The following PDE3B variants were observed in gnomAD, a reference collection of about 807,000 sequenced individuals.
PDE3B encodes the protein phosphodiesterase 3B.
In PDE3B, 66 loss-of-function variants were observed where a neutral mutation model predicts 116.8. The observed-to-expected ratio is 0.56, with a 90% confidence interval of 0.46 to 0.69. The LOEUF is 0.69. Among genes scored for constraint, PDE3B ranks in the 30% least tolerant of loss-of-function variants. PDE3B has a pLI of 0.00. For missense variants in PDE3B, 1,384 were observed against 1,368.1 expected (o/e 1.01, Z -0.18); for synonymous variants, 595 against 533.6 (o/e 1.12, Z -1.59).
At chr11:14,701,558 TC>T (rs2133817883) in intron 1 of PDE3B, among the ~76,000 whole-genome samples, 1 of 151,810 alleles carries the variant, frequency 6.6e-6, no homozygotes. Flanking sequence ...CCTAATTTTT[TC>T]CCCATTTCTT....
chr11:14,815,549 C>T (rs117016605), intron 5 of PDE3B, among the ~76,000 whole-genome samples: 3,740 of 152,218 alleles, frequency 0.025, 61 homozygotes, highest in Middle Eastern at 0.034. Context: ...ACATGGTCTT[C>T]CTCAGTATGG....
At chr11:14,890,396 GC>G in the PDE3B span, 29 of 875,880 alleles carry the variant, frequency 3.3e-5, no homozygotes, top group Admixed American at 4.3e-4. Context: ...TGGGAGAATT[GC>G]AGGTTGGAAA....
intron 1 of PDE3B, among the ~76,000 whole-genome samples, chr11:14,741,959 G>A (rs1259056487): frequency 2.0e-5 from 3 of 152,062 alleles, no homozygotes; most frequent in African/African-American, 4.8e-5. Context: ...CGAGAGATCC[G>A]CTGTTAGTCT....
intron 1 of PDE3B, among the ~76,000 whole-genome samples, chr11:14,687,583 G>A (rs901317670): frequency 6.6e-6 from 1 of 152,134 alleles, no homozygotes; most frequent in African/African-American, 2.4e-5. Flanking sequence ...TTTTAAGCCT[G>A]TTTTATGCAT....
intron 5 of PDE3B, among the ~76,000 whole-genome samples, chr11:14,816,413 T>G (rs1484991156): frequency 7.3e-6 from 1 of 136,320 alleles, no homozygotes; most frequent in Non-Finnish European, 1.7e-5. Context: ...AATGAGACTT[T>G]ACTTGGGTCT....
At chr11:14,715,325 C>T (rs915190781) in intron 1 of PDE3B, among the ~76,000 whole-genome samples, 1 of 152,118 alleles carries the variant, frequency 6.6e-6, no homozygotes, top group African/African-American at 2.4e-5. Flanking sequence ...ATGGGGATGG[C>T]ATTGGATCTA....
At chr11:14,652,171 A>G (rs1853589930) in intron 1 of PDE3B, among the ~76,000 whole-genome samples, 1 of 152,106 alleles carries the variant, frequency 6.6e-6, no homozygotes, top group Admixed American at 6.6e-5. Context: ...GTGTAAGGTA[A>G]TGGTCCAACT....
chr11:14,891,494 AC>A, the PDE3B span: 1 of 993,678 alleles, frequency 1.0e-6, no homozygotes, highest in East Asian at 1.1e-4. Flanking sequence ...GCAAACGCCT[AC>A]ACCAGTCGTT....
At chr11:14,716,239 C>A (rs1855885649) in intron 1 of PDE3B, among the ~76,000 whole-genome samples, 1 of 152,216 alleles carries the variant, frequency 6.6e-6, no homozygotes, top group Admixed American at 6.5e-5. Context: ...CACCACGAGA[C>A]TATATCCCAC....
At chr11:14,817,189 A>G (rs1314102481) in intron 5 of PDE3B, among the ~76,000 whole-genome samples, 5 of 152,144 alleles carry the variant, frequency 3.3e-5, no homozygotes, top group Non-Finnish European at 7.3e-5. Flanking sequence ...TCGCAAGGAC[A>G]GAAAACCAAA....
In PDE3B at chr11:14,667,750, A is replaced by AACTTGTC. The variant is rs1191210275; in HGVS notation, c.978+22698_978+22699insCTTGTCA. On this transcript the variant is annotated intron_variant, in intron 1 of 15. Coordinates refer to ENST00000282096, the MANE Select transcript of PDE3B (RefSeq NM_000922.4). Reference sequence around the variant, plus strand: ...TATACCTAATGCTAAATGACAAGTTAATGGGTGCAGCACAGCAACATGGCA... The same window carrying AACTTGTC: ...TATACCTAATGCTAAATGACAAGTTAACTTGTCATGGGTGCAGCACAGCAACATGGCA... Among the ~76,000 whole-genome samples, 4 of 151,860 alleles carry AACTTGTC rather than the reference A, an allele frequency of 2.6e-5. No homozygotes were observed. In the South Asian group the frequency reaches 8.3e-4, roughly 32 times the overall value.
At chr11:14,732,211 G>T (rs1326148162) in intron 1 of PDE3B, among the ~76,000 whole-genome samples, 1 of 152,128 alleles carries the variant, frequency 6.6e-6, no homozygotes, top group African/African-American at 2.4e-5. Context: ...TATGTTGAAA[G>T]CAAGGTAAGC....
intron 1 of PDE3B, among the ~76,000 whole-genome samples, chr11:14,693,336 A>G (rs1438664734): frequency 6.6e-6 from 1 of 152,220 alleles, no homozygotes; most frequent in African/African-American, 2.4e-5. Flanking sequence ...GCACTAAACA[A>G]CAGATTTTCA....
intron 1 of PDE3B, among the ~76,000 whole-genome samples, chr11:14,701,474 C>T (rs766033762): frequency 7.9e-5 from 12 of 151,696 alleles, no homozygotes; most frequent in Non-Finnish European, 1.3e-4. Context: ...TACCAAAAGA[C>T]TTAAGGTGAA....
At chr11:14,822,287 CA>C (rs1859543208) in intron 7 of PDE3B, among the ~76,000 whole-genome samples, 1 of 152,156 alleles carries the variant, frequency 6.6e-6, no homozygotes, top group Admixed American at 6.5e-5. Flanking sequence ...CACCCAGATC[CA>C]GAAACAAAAT....
At chr11:14,796,265 C>T (rs950896461) in intron 4 of PDE3B, among the ~76,000 whole-genome samples, 1 of 152,140 alleles carries the variant, frequency 6.6e-6, no homozygotes, top group South Asian at 2.1e-4. Context: ...TTTCTTTATC[C>T]AGTCTATCAT....
chr11:14,886,699 G>C, the PDE3B span: 1 of 152,226 alleles, frequency 6.6e-6, no homozygotes, highest in African/African-American at 2.4e-5. Context: ...TCCCTTATCA[G>C]TGGAATGTAA....
At chr11:14,655,362 A>G (rs956433874) in intron 1 of PDE3B, among the ~76,000 whole-genome samples, 7 of 152,174 alleles carry the variant, frequency 4.6e-5, no homozygotes, top group African/African-American at 1.7e-4. Context: ...CACACATATA[A>G]TTATTTCCAA....
At chr11:14,674,145 C>G in intron 1 of PDE3B, 1 of 1,405,718 alleles carries the variant, frequency 7.1e-7, no homozygotes, top group South Asian at 1.2e-5. Flanking sequence ...CTACCCGGGT[C>G]CTTTTCTTCC....
Sources: allele counts gnomAD v4.1 joint callset (sites outside exome capture counted in the v4.1 genomes callset), GRCh38; gene constraint gnomAD v4.1.1; transcripts MANE v1.5; gene names NCBI Gene and HGNC (gene_info 2026-07-23, HGNC 2026-07-21).